ACO2: variants seen among roughly 807,000 people sequenced by gnomAD.
The protein encoded by ACO2 is aconitase 2, also known as aconitate hydratase, mitochondrial.
A neutral mutation model predicts 84.5 loss-of-function variants in ACO2; 31 were observed. The ratio of observed to expected loss-of-function variants is 0.37; its 90% CI spans 0.28 to 0.50. The LOEUF is 0.50. Among genes scored for constraint, ACO2 ranks in the 20% least tolerant of loss-of-function variants. The pLI, the probability that ACO2 is intolerant of heterozygous loss-of-function variation, is 0.97. For missense variants in ACO2, 685 were observed against 1,029.3 expected (o/e 0.67, Z 4.58); for synonymous variants, 414 against 412.7 (o/e 1.00, Z -0.04).
At chr22:41,516,265 G>A (rs2066475520) in intron 6 of ACO2, 1 of 556,840 alleles carries the variant, frequency 1.8e-6, no homozygotes, top group East Asian at 2.9e-5. Context: ...GACAGAGGCA[G>A]TGGTGGGAAT....
intron 1 of ACO2, among the ~76,000 whole-genome samples, chr22:41,479,000 A>G (rs2038055503): frequency 6.6e-6 from 1 of 152,064 alleles, no homozygotes; most frequent in South Asian, 2.1e-4. Flanking sequence ...TCTGCAGGGC[A>G]TCTGTGGTTG....
intron 1 of ACO2, among the ~76,000 whole-genome samples, chr22:41,484,577 A>G (rs965045894): frequency 1.3e-5 from 2 of 152,108 alleles, no homozygotes; most frequent in Admixed American, 6.6e-5. Flanking sequence ...AGGTCTCACT[A>G]TGTTGCCCAG....
intron 1 of ACO2, among the ~76,000 whole-genome samples, chr22:41,490,933 C>G (rs376433044): frequency 6.6e-6 from 1 of 151,670 alleles, no homozygotes; most frequent in East Asian, 1.9e-4. Flanking sequence ...CAGAGACAAT[C>G]TCTCCCTAGT....
intron 4 of ACO2, among the ~76,000 whole-genome samples, chr22:41,514,466 G>A (rs932073616): frequency 6.6e-6 from 1 of 152,200 alleles, no homozygotes. Flanking sequence ...ACTGAGCTCC[G>A]AGAGAAGTGA....
At chr22:41,518,929 G>A (rs2066497508) in intron 8 of ACO2, among the ~76,000 whole-genome samples, 1 of 152,240 alleles carries the variant, frequency 6.6e-6, no homozygotes, top group South Asian at 2.1e-4. Flanking sequence ...CTGGGCGACA[G>A]AGCGACACTG....
chr22:41,520,239 G>A lies in ACO2; in HGVS notation c.1101G>A (p.Val367=). 1 of 1,614,010 alleles carries A rather than the reference G, an allele frequency of 6.2e-7. No individual in the cohort carries two copies. Among genetic ancestry groups the A allele is most frequent in the Non-Finnish European group, 8.5e-7 (1 of 1,179,938 alleles). ...LAHPVAEVGK[V]AEKEGWPLDI... ...ACCCTGTGGCAGAAGTGGGCAAGGT[G>A]GCAGAGAAGGAAGGATGGCCTCTGG... Residue 367 remains valine (V), a synonymous_variant, in exon 9 of 18, where the codon GTG becomes GTA. Coordinates refer to ENST00000216254, the MANE Select transcript of ACO2 (RefSeq NM_001098.3).
At chr22:41,524,011 C>A in intron 12 of ACO2, 70 bp downstream of exon 12, 2 of 1,382,834 alleles carry the variant, frequency 1.4e-6, no homozygotes, top group Non-Finnish European at 2.0e-6. Context: ...GAGGAGGAGG[C>A]AGAAGGAGAT....
chr22:41,484,467 A>G (rs922170949), intron 1 of ACO2, among the ~76,000 whole-genome samples: 1 of 152,090 alleles, frequency 6.6e-6, no homozygotes, highest in African/African-American at 2.4e-5. Context: ...AGTCTGTAAA[A>G]TTGTGTGTTT....
chr22:41,470,679 A>G (rs2037935936), intron 1 of ACO2, among the ~76,000 whole-genome samples: 1 of 151,648 alleles, frequency 6.6e-6, no homozygotes, highest in Admixed American at 6.6e-5. Flanking sequence ...AGTAGCTGGG[A>G]TTACAGGTGT....
At chr22:41,523,148 C>T (rs1024303988) in intron 10 of ACO2, 57 bp from the exon 11 acceptor site, 35 of 1,555,886 alleles carry the variant, frequency 2.2e-5, no homozygotes, top group Non-Finnish European at 3.1e-5. Context: ...CCACATCACC[C>T]CTTCCCATCA....
chr22:41,521,671 T>C (rs368851480), intron 9 of ACO2: 3 of 152,240 alleles, frequency 2.0e-5, no homozygotes, highest in African/African-American at 7.2e-5. Context: ...TGAAGTAATT[T>C]TAAGAAAAAA....
At chr22:41,483,584 G>C (rs1225273388) in intron 1 of ACO2, among the ~76,000 whole-genome samples, 1 of 151,930 alleles carries the variant, frequency 6.6e-6, no homozygotes, top group African/African-American at 2.4e-5. Context: ...TTGAACCCAG[G>C]AGGCAGAGGT....
At chr22:41,499,220 A>G (rs1412339621) in intron 1 of ACO2, among the ~76,000 whole-genome samples, 1 of 152,202 alleles carries the variant, frequency 6.6e-6, no homozygotes, top group African/African-American at 2.4e-5. Context: ...TTGAATCTCC[A>G]GTATGTGCCA....
chr22:41,471,306 T>C (rs1462722148), intron 1 of ACO2, among the ~76,000 whole-genome samples: 2 of 152,210 alleles, frequency 1.3e-5, no homozygotes, highest in African/African-American at 2.4e-5. Context: ...TTCCTTCAGC[T>C]AAGATGAATG....
intron 12 of ACO2, among the ~76,000 whole-genome samples, chr22:41,524,636 T>A (rs893850035): frequency 9.9e-5 from 15 of 152,258 alleles, no homozygotes; most frequent in Non-Finnish European, 2.1e-4. Context: ...GAGGCCGCAC[T>A]GCCCTTGGCT....
At chr22:41,520,667 C>T (rs867644326) in intron 9 of ACO2, among the ~76,000 whole-genome samples, 1 of 151,942 alleles carries the variant, frequency 6.6e-6, no homozygotes, top group African/African-American at 2.4e-5. Context: ...ACGGTGAAAC[C>T]CCATCTCTAC....
At chr22:41,511,841 G>A in intron 3 of ACO2, 35 bp from the exon 4 acceptor site, 1 of 1,535,272 alleles carries the variant, frequency 6.5e-7, no homozygotes, top group South Asian at 1.2e-5. Flanking sequence ...CACAAACCAT[G>A]TTGCTAACGC....
At chr22:41,514,081 A>G (rs1487995425) in intron 4 of ACO2, among the ~76,000 whole-genome samples, 1 of 152,248 alleles carries the variant, frequency 6.6e-6, no homozygotes, top group African/African-American at 2.4e-5. Flanking sequence ...AGCATTGGCC[A>G]GTTCTTCGCA....
At chr22:41,483,071 G>C (rs1233345747) in intron 1 of ACO2, among the ~76,000 whole-genome samples, 1 of 152,198 alleles carries the variant, frequency 6.6e-6, no homozygotes, top group Non-Finnish European at 1.5e-5. Flanking sequence ...CCTCAGTCCT[G>C]CCCTCAGCCC....
Sources: gnomAD v4.1 joint callset for allele counts (sites outside exome capture counted in the v4.1 genomes callset) on GRCh38, gnomAD v4.1.1 for gene constraint, MANE v1.5 for transcripts, NCBI Gene and HGNC (gene_info 2026-07-23, HGNC 2026-07-21) for gene names.